The following KLHL22 variants were observed in gnomAD, a reference collection of about 807,000 sequenced individuals.
KLHL22 encodes the protein kelch-like protein 22.
Under a neutral mutation model 60.7 loss-of-function variants are expected in KLHL22, and 18 were observed. That is an observed-to-expected ratio of 0.30 (90% confidence interval 0.20 to 0.44). The LOEUF (loss-of-function observed/expected upper bound fraction) is 0.44. KLHL22 is among the 20% of genes least tolerant of loss of function. KLHL22 has a pLI of 1.00. For synonymous variants in KLHL22, 355 were observed against 354.5 expected (o/e 1.00, Z -0.01); for missense variants, 596 against 852.3 (o/e 0.70, Z 3.74).
chr22:20,491,537 T>C (rs1426244009), intron 1 of KLHL22: 1 of 152,142 alleles, frequency 6.6e-6, no homozygotes, highest in Non-Finnish European at 1.5e-5. Flanking sequence ...ACCAAATATA[T>C]ATTTCACAAT....
intron 2 of KLHL22, among the ~76,000 whole-genome samples, chr22:20,478,981 T>C (rs1184299167): frequency 6.6e-6 from 1 of 151,526 alleles, no homozygotes; most frequent in Non-Finnish European, 1.5e-5. Flanking sequence ...ATACAAAAAT[T>C]AGCTGGGTGT....
intron 1 of KLHL22, chr22:20,491,255 AG>A (rs2053684825): frequency 6.6e-6 from 1 of 152,220 alleles, no homozygotes; most frequent in Non-Finnish European, 1.5e-5. Flanking sequence ...TTCCAAACCC[AG>A]TCATTCAGAA....
At chr22:20,483,694 G>A in intron 2 of KLHL22, 2 of 735,798 alleles carry the variant, frequency 2.7e-6, no homozygotes, top group Non-Finnish European at 2.5e-6. Context: ...AAAGATCTGA[G>A]CCCTCAGGTC....
At chr22:20,445,758 T>A (rs1248687733) in intron 6 of KLHL22, among the ~76,000 whole-genome samples, 2 of 140,586 alleles carry the variant, frequency 1.4e-5, no homozygotes, top group Non-Finnish European at 2.9e-5. Context: ...AAAAGTTTTG[T>A]TGTTGTTTTT....
At chr22:20,494,730 C>A (rs372464286) in intron 1 of KLHL22, among the ~76,000 whole-genome samples, 2 of 152,284 alleles carry the variant, frequency 1.3e-5, no homozygotes, top group African/African-American at 4.8e-5. Context: ...CCGTTTTGTA[C>A]TGTTCGAAGT....
At chr22:20,481,589 A>T (rs547959220) in intron 2 of KLHL22, among the ~76,000 whole-genome samples, 25 of 152,016 alleles carry the variant, frequency 1.6e-4, no homozygotes, top group South Asian at 8.3e-4. Flanking sequence ...AAAAAAAATT[A>T]AAAAAAAATT....
intron 5 of KLHL22, among the ~76,000 whole-genome samples, chr22:20,449,733 A>T (rs1170106720): frequency 6.6e-6 from 1 of 152,210 alleles, no homozygotes; most frequent in African/African-American, 2.4e-5. Context: ...AGTTGTTTAT[A>T]TATGTATTTA....
Position 20,465,671 on chromosome 22 carries a change from C to A in KLHL22, c.394-95G>T. 1.3e-6 allele frequency: 1 copy of A among 752,242 alleles called. No individual in the cohort carries two copies. The highest frequency in any genetic ancestry group is 2.4e-6 in the Non-Finnish European group (1 of 410,684). The allele number at this position is 752,242 out of a possible 1,614,324, so 46.6% of individuals were successfully genotyped here. On this transcript the variant is annotated intron_variant, in intron 3 of 6. Coordinates refer to ENST00000328879, the MANE Select transcript of KLHL22 (RefSeq NM_032775.4). This position sits in a 1 kb window ranked among gnomAD's most constrained non-coding sequence, Gnocchi z 4.9. The stretch of plus-strand genomic sequence containing the variant: ...TGGCAGAAATACGGGCTGTTGTGGG[C>A]CAGGCAAAGCAGAAGGGAAGTCCTC...
chr22:20,483,158 T>A, intron 2 of KLHL22: 1 of 632,746 alleles, frequency 1.6e-6, no homozygotes, highest in South Asian at 1.7e-5. Context: ...CAAGCTGGCC[T>A]TCAGATTTCT....
intron 3 of KLHL22, among the ~76,000 whole-genome samples, chr22:20,470,291 G>A (rs967761923): frequency 6.6e-6 from 1 of 151,400 alleles, no homozygotes; most frequent in African/African-American, 2.4e-5. Context: ...GGAGGCTACA[G>A]TGAACTATGA....
At chr22:20,463,668 CA>C (rs1434373829) in intron 4 of KLHL22, among the ~76,000 whole-genome samples, 1 of 152,222 alleles carries the variant, frequency 6.6e-6, no homozygotes, top group African/African-American at 2.4e-5. Context: ...TGGCCACACC[CA>C]CTGGGGGCAC....
chr22:20,475,545 G>A (rs1462578272), intron 2 of KLHL22, among the ~76,000 whole-genome samples: 2 of 151,338 alleles, frequency 1.3e-5, no homozygotes, highest in African/African-American at 2.4e-5. Flanking sequence ...CAACTCTGTC[G>A]TCTTCCCTCC....
chr22:20,468,666 T>G (rs990207693), intron 3 of KLHL22, among the ~76,000 whole-genome samples: 6 of 150,986 alleles, frequency 4.0e-5, no homozygotes, highest in South Asian at 4.2e-4. Flanking sequence ...AAGAAGCCTG[T>G]TTTTTTTTGT....
chr22:20,494,581 A>G (rs1381047334), intron 1 of KLHL22, among the ~76,000 whole-genome samples: 1 of 151,972 alleles, frequency 6.6e-6, no homozygotes, highest in African/African-American at 2.4e-5. Context: ...GGGTTTCACC[A>G]TGTTGGCCAG....
chr22:20,458,720 C>T (rs991344484), intron 4 of KLHL22, among the ~76,000 whole-genome samples: 3 of 152,082 alleles, frequency 2.0e-5, no homozygotes, highest in Admixed American at 1.3e-4. Context: ...GCACGCCCTG[C>T]ACACAGCACC....
At chr22:20,458,273 CTTT>C (rs35379911) in intron 4 of KLHL22, among the ~76,000 whole-genome samples, 4,197 of 76,188 alleles carry the variant, frequency 0.055, 105 homozygotes, top group East Asian at 0.33. Context: ...TCCAATGGCT[CTTT>C]TTTTTTTTTT....
intron 4 of KLHL22, among the ~76,000 whole-genome samples, chr22:20,461,511 C>A (rs2053154491): frequency 7.2e-6 from 1 of 139,502 alleles, no homozygotes; most frequent in African/African-American, 2.7e-5. Context: ...TGAGATCACG[C>A]CACTGCACTC....
chr22:20,475,147 A>AT (rs1327884814), intron 2 of KLHL22: 1 of 143,330 alleles, frequency 7.0e-6, no homozygotes, highest in Non-Finnish European at 1.5e-5. Flanking sequence ...CGATCTTTTG[A>AT]TTTTGTATTG....
chr22:20,464,326 C>T (rs147214354), intron 4 of KLHL22, among the ~76,000 whole-genome samples: 40 of 152,350 alleles, frequency 2.6e-4, no homozygotes, highest in Non-Finnish European at 5.3e-4. Context: ...GCCTTTACCA[C>T]GCCCCTGGGC....
Sources: gnomAD v4.1 joint callset for allele counts (sites outside exome capture counted in the v4.1 genomes callset) on GRCh38, gnomAD v4.1.1 for gene constraint, Gnocchi (gnomAD v3.1) non-coding constraint, MANE v1.5 for transcripts, NCBI Gene and HGNC (gene_info 2026-07-23, HGNC 2026-07-21) for gene names.